Variants in TBR1 observed in about 807,000 individuals in gnomAD.
The protein encoded by TBR1 is T-box brain protein 1.
TBR1 carries 7 observed loss-of-function variants against 60.3 expected under a neutral mutation model. The ratio of observed to expected loss-of-function variants is 0.12; its 90% CI spans 0.07 to 0.22. TBR1 has a LOEUF of 0.22. Ranked by LOEUF, TBR1 falls within the 10% of genes least tolerant of loss-of-function variation. The pLI, the probability that TBR1 is intolerant of heterozygous loss-of-function variation, is 1.00. For missense variants in TBR1, 616 were observed against 936.8 expected (o/e 0.66, Z 4.47); for synonymous variants, 417 against 409.9 (o/e 1.02, Z -0.21).
In TBR1 at chr2:161,424,130, C is replaced by T. The variant is rs780210539; in HGVS notation, c.1952C>T (p.Ser651Leu). 1.6e-5 allele frequency: 26 copies of T among 1,612,842 alleles called. No homozygotes were observed. The highest frequency in any genetic ancestry group is 1.7e-4 in the Middle Eastern group (1 of 6,058). ...SPADTPVSES[S>L]SPLKSEVLAQ... ...GCCGACACGCCCGTGTCCGAGAGTTCGTCCCCGCTCAAGAGCGAGGTGCTG... is the reference window on the plus strand; with the variant it reads ...GCCGACACGCCCGTGTCCGAGAGTTTGTCCCCGCTCAAGAGCGAGGTGCTG... Residue 651 changes from serine (S) to leucine (L), a missense_variant, in exon 6 of 6, where the codon TCG becomes TTG. Ser to Leu is a moderately radical substitution (Grantham distance 145). Transcript: ENST00000389554. This position sits in a 1 kb window ranked among gnomAD's most constrained non-coding sequence, Gnocchi z 4.4.
intron 5 of TBR1, chr2:161,422,587 A>G (rs1684251325): frequency 6.6e-6 from 1 of 152,240 alleles, no homozygotes. Flanking sequence ...AACGGACCAA[A>G]AGCTAGGAAA....
rs1378022159 is a variant in TBR1 at position 161,423,709 on chromosome 2, G to A, written c.1531G>A (p.Ala511Thr). ...DTATDFAGNA[A>T]TLLSYAAAGV... ...GGCCACGGACTTCGCGGGCAACGCG[G>A]CCACGCTGCTCTCTTACGCGGCGGC... The change falls in exon 6 of 6, where the codon GCC (alanine) becomes ACC (threonine). Residue 511 changes from alanine to threonine, a missense_variant. Around this residue, in one of 8 missense-constraint regions of TBR1, gnomAD observed 210 missense variants for 297.4 expected, o/e 0.71. Coordinates refer to ENST00000389554, the MANE Select transcript of TBR1 (RefSeq NM_006593.4). 3 of 1,533,136 alleles carry A rather than the reference G, an allele frequency of 2.0e-6. No homozygotes were observed. Among genetic ancestry groups the A allele is most frequent in the Non-Finnish European group, 1.7e-6 (2 of 1,149,370 alleles). 95.0% of individuals were successfully genotyped at this position (1,533,136 alleles called of 1,614,324 possible). A position where few individuals can be genotyped will look rare whatever the true frequency, so the allele number is the denominator to read the frequency against.
intron 3 of TBR1, 165 bp downstream of exon 3, chr2:161,418,487 A>G: frequency 2.7e-6 from 3 of 1,130,516 alleles, no homozygotes; most frequent in South Asian, 3.6e-5. Context: ...TTAAATCTGT[A>G]AAGTTGTTCT....
chr2:161,420,921 T>C (rs1050731423), intron 5 of TBR1: 4 of 152,216 alleles, frequency 2.6e-5, no homozygotes, highest in Non-Finnish European at 4.4e-5. Flanking sequence ...AGAAAAATAT[T>C]TCCTCTTTGT....
At chr2:161,418,106 G>A (rs957302471) in intron 2 of TBR1, 95 bp from the exon 3 acceptor site, 78 of 1,415,082 alleles carry the variant, frequency 5.5e-5, no homozygotes, top group Admixed American at 6.9e-5. Flanking sequence ...ATGTGTGTGT[G>A]TGTGTGTGTG....
rs1182403917 is a variant in TBR1 at position 161,423,729 on chromosome 2, G to C, written c.1551G>C (p.Ala517=). 2 of 1,520,268 alleles carry C rather than the reference G, an allele frequency of 1.3e-6. No individual in the cohort carries two copies. Among genetic ancestry groups the C allele is most frequent in the Admixed American group, 3.9e-5 (2 of 51,124 alleles). The allele number at this position is 1,520,268 out of a possible 1,614,324, so 94.2% of individuals were successfully genotyped here. Residue 517 remains alanine, a synonymous_variant, in exon 6 of 6, where the codon GCG becomes GCC. Transcript: ENST00000389554. Reference sequence around the variant, plus strand: ...ACGCGGCCACGCTGCTCTCTTACGCGGCGGCGGGCGTGAAGGCGCTGCCGC... The same window carrying C: ...ACGCGGCCACGCTGCTCTCTTACGCCGCGGCGGGCGTGAAGGCGCTGCCGC... ...AGNAATLLSY[A]AAGVKALPLQ...
intron 2 of TBR1, 69 bp from the exon 3 acceptor site, chr2:161,418,132 C>A: frequency 1.7e-6 from 2 of 1,172,688 alleles, no homozygotes; most frequent in South Asian, 1.7e-5. Flanking sequence ...GTGTGTGTGT[C>A]CTACGTGGTG....
Position 161,424,526 on chromosome 2 carries a change from T to G in TBR1, c.*299T>G, listed in dbSNP as rs1220115639. 1.4e-5 allele frequency: 5 copies of G among 345,044 alleles called. No homozygotes were observed. The highest frequency in any genetic ancestry group is 7.8e-4 in the Middle Eastern group (1 of 1,278). The allele number at this position is 345,044 out of a possible 1,614,324, so 21.4% of individuals were successfully genotyped here. On this transcript the variant is annotated 3_prime_UTR_variant, in exon 6 of 6. Transcript: ENST00000389554. This position sits in a 1 kb window ranked among gnomAD's most constrained non-coding sequence, Gnocchi z 4.4. ...AATTCCCCTCCCCCTCGTCTTTCTCTTACCTCCTACTTCTCTTTCTTGTAA... is the reference window on the plus strand; with the variant it reads ...AATTCCCCTCCCCCTCGTCTTTCTCGTACCTCCTACTTCTCTTTCTTGTAA...
chr2:161,416,711 G>C lies in TBR1; in HGVS notation c.301G>C (p.Ala101Pro), dbSNP rs1302337998. The C allele has an allele frequency of 1.2e-6, 2 of 1,614,118 alleles. No homozygotes were observed. The change falls in exon 1 of 6, where the codon GCT becomes CCT. Residue 101 changes from alanine to proline, a missense_variant. By Grantham distance (27) the Ala-to-Pro change is conservative. Around this residue, in one of 8 missense-constraint regions of TBR1, gnomAD observed 211 missense variants for 268.7 expected, o/e 0.79. Transcript: ENST00000389554. The surrounding 1 kb of genome is among the most constrained non-coding windows in gnomAD (Gnocchi z 6.1). ...SELRHSFDGS[A>P]ADRYLLSQSS... The stretch of plus-strand genomic sequence containing the variant: ...GCTTCGTCACAGTTTCGATGGCTCT[G>C]CTGCAGATCGCTACCTCCTCTCTCA...
rs934453067 is a variant in TBR1 at position 161,417,915 on chromosome 2, A to T, written c.847+85A>T. On this transcript the variant is annotated intron_variant, in intron 2 of 5. Transcript: ENST00000389554. The surrounding 1 kb of genome is among the most constrained non-coding windows in gnomAD (Gnocchi z 5.3). ...AAGCCTTTGTGGACTGGCTCGAGCG[A>T]CTTTTAAAACGATCGGCCAATGACT... 1.3e-6 allele frequency: 2 copies of T among 1,511,194 alleles called. No homozygotes were observed. The highest frequency in any genetic ancestry group is 2.8e-5 in the African/African-American group (2 of 71,204). 93.6% of individuals were successfully genotyped at this position (1,511,194 alleles called of 1,614,324 possible). A position where few individuals can be genotyped will look rare whatever the true frequency, so the allele number is the denominator to read the frequency against.
chr2:161,425,639 C>G lies in TBR1; in HGVS notation c.*1412C>G, dbSNP rs1483368525. On this transcript the variant is annotated 3_prime_UTR_variant, in exon 6 of 6. Transcript: ENST00000389554. ...TGAAATATGCATCATACACAATATT[C>G]AATCTAGATTCCAGTCCATGGGGGG... is the stretch of plus-strand genomic sequence containing the variant. 6.6e-6 allele frequency: 1 copy of G among 152,322 alleles called. No homozygotes were observed. The highest frequency in any genetic ancestry group is 2.4e-5 in the African/African-American group (1 of 41,560). 9.4% of individuals were successfully genotyped at this position (152,322 alleles called of 1,614,324 possible). A position where few individuals can be genotyped will look rare whatever the true frequency, so the allele number is the denominator to read the frequency against.
chr2:161,423,319 GA>G lies in TBR1; in HGVS notation c.1191-49del. 6 of 1,176,920 alleles carry G rather than the reference GA, an allele frequency of 5.1e-6. No homozygotes were observed. The South Asian group carries it at 6.7e-5, about 13-fold the overall frequency. The allele number at this position is 1,176,920 out of a possible 1,614,324, so 72.9% of individuals were successfully genotyped here. On this transcript the variant is annotated intron_variant, in intron 5 of 5. Transcript: ENST00000389554. ...TTCTGCCCCCACCCCCACCCCAAGG[GA>G]CCTCCGCGCCACCCCTCGGCTCTCT...
At chr2:161,423,050 T>C (rs1574152067) in intron 5 of TBR1, 1 of 274,712 alleles carries the variant, frequency 3.6e-6, no homozygotes, top group African/African-American at 2.2e-5. Context: ...AGTCCTTGCT[T>C]GTGCCCCTCT....
At position 161,417,555 on chromosome 2, in the gene TBR1, G is replaced by T; in HGVS notation, c.693-121G>T. 3.2e-6 allele frequency: 4 copies of T among 1,236,142 alleles called. No homozygotes were observed. Among genetic ancestry groups the T allele is most frequent in the South Asian group, 3.1e-5 (2 of 65,016 alleles). 76.6% of individuals were successfully genotyped at this position (1,236,142 alleles called of 1,614,324 possible). A position where few individuals can be genotyped will look rare whatever the true frequency, so the allele number is the denominator to read the frequency against. On this transcript the variant is annotated intron_variant, in intron 1 of 5. Transcript: ENST00000389554. The surrounding 1 kb of genome is among the most constrained non-coding windows in gnomAD (Gnocchi z 5.3). ...CCTTTTTCTAATCCAGCAAATATTC[G>T]CCTATTTGCTGCAAGTACAAGTTTT...
chr2:161,424,348 G>C lies in TBR1; in HGVS notation c.*121G>C. On this transcript the variant is annotated 3_prime_UTR_variant, in exon 6 of 6. Transcript: ENST00000389554. This position sits in a 1 kb window ranked among gnomAD's most constrained non-coding sequence, Gnocchi z 4.4. ...CACCCACTCATTTTATTTGACCCTC[G>C]ATGGCCGTCTGCAGCGAATAAGTGC... The C allele has an allele frequency of 8.8e-7, 1 of 1,141,760 alleles. No individual in the cohort carries two copies. Among genetic ancestry groups the C allele is most frequent in the Non-Finnish European group, 1.2e-6 (1 of 817,322 alleles). The allele number at this position is 1,141,760 out of a possible 1,614,324, so 70.7% of individuals were successfully genotyped here. A position where few individuals can be genotyped will look rare whatever the true frequency, so the allele number is the denominator to read the frequency against.
At chr2:161,418,789 G>C (rs1684177493) in intron 3 of TBR1, 103 bp from the exon 4 acceptor site, 7 of 1,457,088 alleles carry the variant, frequency 4.8e-6, no homozygotes, top group Non-Finnish European at 6.4e-6. Flanking sequence ...CGGGCTGCAG[G>C]CTGCCTCCGC....
At chr2:161,418,782 G>A in intron 3 of TBR1, 110 bp from the exon 4 acceptor site, 2 of 1,418,530 alleles carry the variant, frequency 1.4e-6, no homozygotes, top group Non-Finnish European at 1.9e-6. Context: ...TGGAAGGCGG[G>A]CTGCAGGCTG....
chr2:161,417,535 T>C lies in TBR1; in HGVS notation c.693-141T>C. ...TTCTTTTCTTCTCCCACCACCCTTTTTCTAATCCAGCAAATATTCGCCTAT... is the reference window on the plus strand; with the variant it reads ...TTCTTTTCTTCTCCCACCACCCTTTCTCTAATCCAGCAAATATTCGCCTAT... On this transcript the variant is annotated intron_variant, in intron 1 of 5. Transcript: ENST00000389554. The surrounding 1 kb of genome is among the most constrained non-coding windows in gnomAD (Gnocchi z 5.3). 8.8e-7 allele frequency: 1 copy of C among 1,141,848 alleles called. No individual in the cohort carries two copies. The highest frequency in any genetic ancestry group is 1.2e-6 in the Non-Finnish European group (1 of 806,390). The allele number at this position is 1,141,848 out of a possible 1,614,324, so 70.7% of individuals were successfully genotyped here. A position where few individuals can be genotyped will look rare whatever the true frequency, so the allele number is the denominator to read the frequency against.
intron 5 of TBR1, chr2:161,421,913 CT>C (rs1384254536): frequency 6.9e-6 from 1 of 144,912 alleles, no homozygotes; most frequent in Non-Finnish European, 1.5e-5. Flanking sequence ...CACTTTAAAT[CT>C]TTCATAAAAG....
Sources: gnomAD v4.1 joint callset for allele counts on GRCh38, gnomAD v4.1.1 for gene constraint, gnomAD v4.1.1 regional missense constraint, Gnocchi (gnomAD v3.1) non-coding constraint, MANE v1.5 for transcripts, NCBI Gene and HGNC (gene_info 2026-07-23, HGNC 2026-07-21) for gene names.